Variants in XXYLT1 observed in about 807,000 individuals in gnomAD.
XXYLT1 encodes the protein xyloside xylosyltransferase 1, also known as UDP-xylose:alpha-xyloside alpha-1,3-xylosyltransferase.
A neutral mutation model predicts 28.9 loss-of-function variants in XXYLT1; 20 were observed. The ratio of observed to expected loss-of-function variants is 0.69; its 90% CI spans 0.49 to 1.00. The LOEUF is 1.00. Ranked by LOEUF, XXYLT1 falls within the 50% of genes least tolerant of loss-of-function variation. The pLI is 0.00. For synonymous variants in XXYLT1, 257 were observed against 253.8 expected (o/e 1.01, Z -0.12); for missense variants, 542 against 560.1 (o/e 0.97, Z 0.33).
intron 3 of XXYLT1, among the ~76,000 whole-genome samples, chr3:195,072,397 G>A (rs558584142): frequency 1.8e-4 from 28 of 152,268 alleles, no homozygotes; most frequent in African/African-American, 6.7e-4. Flanking sequence ...TACCAACCTC[G>A]GCAGGAACGC....
intron 3 of XXYLT1, among the ~76,000 whole-genome samples, chr3:195,106,836 T>C (rs1178420383): frequency 1.3e-5 from 2 of 152,200 alleles, no homozygotes; most frequent in African/African-American, 4.8e-5. Flanking sequence ...AATGGAACCC[T>C]GGGCACTTAC....
intron 2 of XXYLT1, among the ~76,000 whole-genome samples, chr3:195,192,652 T>C (rs528062278): frequency 6.6e-5 from 10 of 152,174 alleles, no homozygotes; most frequent in Non-Finnish European, 1.3e-4. Context: ...CCACAGACAA[T>C]TGTCATATGT....
chr3:195,188,327 A>G (rs1350505902), intron 2 of XXYLT1, among the ~76,000 whole-genome samples: 1 of 152,234 alleles, frequency 6.6e-6, no homozygotes, highest in Admixed American at 6.5e-5. Context: ...ACAGGTCTGG[A>G]GTGGGAACAG....
chr3:195,262,058 G>A (rs1725714752), intron 1 of XXYLT1, among the ~76,000 whole-genome samples: 2 of 152,242 alleles, frequency 1.3e-5, no homozygotes, highest in Non-Finnish European at 2.9e-5. Flanking sequence ...GTTCACAGCA[G>A]CATTATTCAT....
At chr3:195,159,263 T>C (rs1356181877) in intron 2 of XXYLT1, among the ~76,000 whole-genome samples, 1 of 152,120 alleles carries the variant, frequency 6.6e-6, no homozygotes, top group African/African-American at 2.4e-5. Flanking sequence ...ATGGCAGATC[T>C]GAAAACACTG....
chr3:195,239,437 G>A lies in XXYLT1; in HGVS notation c.505-12581C>T, dbSNP rs140077520. On this transcript the variant is annotated intron_variant, in intron 1 of 3. Transcript: ENST00000310380. ...TCCTCCCTTTCAAGTCCCCCACCTC[G>A]AGAGCTGCAAGAAGAACATACAACC... is the stretch of plus-strand genomic sequence containing the variant. Among the ~76,000 whole-genome samples the A allele has an allele frequency of 7.2e-4, 109 of 152,218 alleles. 1 individual carries two copies. Among genetic ancestry groups the A allele is most frequent in the Middle Eastern group, 6.8e-3 (2 of 294 alleles).
chr3:195,185,315 G>A (rs554616373), intron 2 of XXYLT1, among the ~76,000 whole-genome samples: 10 of 152,026 alleles, frequency 6.6e-5, no homozygotes, highest in Non-Finnish European at 1.0e-4. Flanking sequence ...ATATTCCATC[G>A]TGGTCATCTG....
At chr3:195,171,468 T>A (rs1367262051) in intron 2 of XXYLT1, among the ~76,000 whole-genome samples, 1 of 152,224 alleles carries the variant, frequency 6.6e-6, no homozygotes, top group Non-Finnish European at 1.5e-5. Flanking sequence ...TTGGCCTTTC[T>A]TGGGGTTTAA....
rs1172952563 is a variant in XXYLT1, at chr3:195,068,386, G to A, written c.*1329C>T. The A allele has an allele frequency of 1.3e-5, 2 of 149,766 alleles. No individual in the cohort carries two copies. Among genetic ancestry groups the A allele is most frequent in the Non-Finnish European group, 3.0e-5 (2 of 67,456 alleles). 9.3% of individuals were successfully genotyped at this position (149,766 alleles called of 1,614,324 possible). A position where few individuals can be genotyped will look rare whatever the true frequency, so the allele number is the denominator to read the frequency against. ...GAAAATTGATACAAATGGACCCCTG[G>A]GGCTTTCACGTCTGCAGCCTACGTA... On this transcript the variant is annotated 3_prime_UTR_variant, in exon 4 of 4. Coordinates refer to ENST00000310380, the MANE Select transcript of XXYLT1 (RefSeq NM_152531.5).
At chr3:195,122,806 G>A (rs1718432318) in intron 3 of XXYLT1, among the ~76,000 whole-genome samples, 1 of 152,234 alleles carries the variant, frequency 6.6e-6, no homozygotes, top group Non-Finnish European at 1.5e-5. Flanking sequence ...CAGCAGCAGA[G>A]TGGGAAGAGC....
chr3:195,070,977 A>C (rs1168872547), intron 3 of XXYLT1, among the ~76,000 whole-genome samples: 1 of 152,198 alleles, frequency 6.6e-6, no homozygotes, highest in African/African-American at 2.4e-5. Context: ...AAATGCTTCC[A>C]TCTGGAGGGG....
Position 195,069,606 on chromosome 3 carries a change from T to G in XXYLT1, c.*109A>C, listed in dbSNP as rs987038919. ...GGTCTCAGCACCTTAATCACAGGAC[T>G]TCCCTGCGGTGTCTCTCTAGCGGGT... On this transcript the variant is annotated 3_prime_UTR_variant, in exon 4 of 4. Transcript: ENST00000310380. 8 of 1,449,786 alleles carry G rather than the reference T, an allele frequency of 5.5e-6. No homozygotes were observed. Among genetic ancestry groups the G allele is most frequent in the Non-Finnish European group, 7.4e-6 (8 of 1,087,014 alleles). 89.8% of individuals were successfully genotyped at this position (1,449,786 alleles called of 1,614,324 possible).
intron 3 of XXYLT1, among the ~76,000 whole-genome samples, chr3:195,136,984 T>C (rs562711461): frequency 6.6e-6 from 1 of 152,234 alleles, no homozygotes; most frequent in South Asian, 2.1e-4. Context: ...GGATTGAGTG[T>C]CTAAAAGGAG....
chr3:195,139,312 G>A (rs78426675), intron 3 of XXYLT1, among the ~76,000 whole-genome samples: 2,602 of 152,130 alleles, frequency 0.017, 36 homozygotes, highest in Non-Finnish European at 0.026. Context: ...ATTGAAAGTC[G>A]AGCAGAGAGT....
chr3:195,247,784 C>T, intron 1 of XXYLT1: 1 of 702,490 alleles, frequency 1.4e-6, no homozygotes, highest in Non-Finnish European at 2.6e-6. Context: ...TTCTGCCTGG[C>T]TGGGGAGGCC....
At chr3:195,079,636 G>T (rs1021762924) in intron 3 of XXYLT1, among the ~76,000 whole-genome samples, 10 of 152,176 alleles carry the variant, frequency 6.6e-5, no homozygotes, top group Non-Finnish European at 1.0e-4. Context: ...AGGTCAGCAA[G>T]GGGAGAATTG....
chr3:195,208,975 T>C (rs1270186576), intron 2 of XXYLT1, among the ~76,000 whole-genome samples: 1 of 152,216 alleles, frequency 6.6e-6, no homozygotes, highest in African/African-American at 2.4e-5. Context: ...AGGTCTGTGA[T>C]TAAGGACTAT....
At chr3:195,147,992 C>T (rs1270988325) in intron 3 of XXYLT1, 1 of 152,276 alleles carries the variant, frequency 6.6e-6, no homozygotes, top group Admixed American at 6.5e-5. Flanking sequence ...ACGTGCTCCA[C>T]CTGGACCTCA....
At chr3:195,268,300 G>A (rs561931134) in intron 1 of XXYLT1, among the ~76,000 whole-genome samples, 3 of 151,964 alleles carry the variant, frequency 2.0e-5, no homozygotes, top group East Asian at 1.9e-4. Context: ...GCGTGGTGGC[G>A]GGCGCCTGTA....
Sources: gnomAD v4.1 joint callset for allele counts (sites outside exome capture counted in the v4.1 genomes callset) on GRCh38, gnomAD v4.1.1 for gene constraint, MANE v1.5 for transcripts, NCBI Gene and HGNC (gene_info 2026-07-23, HGNC 2026-07-21) for gene names.